Variants in GRID2 observed in about 807,000 individuals in gnomAD.
GRID2 encodes the protein glutamate receptor ionotropic, delta-2.
Under a neutral mutation model 114.8 loss-of-function variants are expected in GRID2, and 33 were observed. The observed-to-expected ratio is 0.29, with a 90% CI of 0.22 to 0.38. GRID2 has a LOEUF of 0.38. GRID2 is among the 10% of genes least tolerant of loss of function. GRID2 has a pLI of 1.00. For synonymous variants in GRID2, 505 were observed against 449.9 expected (o/e 1.12, Z -1.55); for missense variants, 1,184 against 1,257.7 (o/e 0.94, Z 0.89).
intron 4 of GRID2, among the ~76,000 whole-genome samples, chr4:93,175,247 C>T (rs967525473): frequency 5.3e-5 from 8 of 152,118 alleles, no homozygotes; most frequent in East Asian, 3.9e-4. Context: ...CTCGGCTCAC[C>T]GCAACCTCTG....
intron 2 of GRID2, among the ~76,000 whole-genome samples, chr4:92,999,331 A>C (rs1011802778): frequency 1.3e-5 from 2 of 151,804 alleles, no homozygotes; most frequent in African/African-American, 4.8e-5. Flanking sequence ...AAAGTAAAGT[A>C]ACCAATTTTC....
At chr4:93,217,189 A>T (rs1327320961) in intron 6 of GRID2, 9 of 214,626 alleles carry the variant, frequency 4.2e-5, no homozygotes, top group African/African-American at 2.1e-4. Context: ...TTCCCACAGG[A>T]GAATTTGTAA....
At chr4:93,297,711 T>C (rs1219003540) in intron 8 of GRID2, among the ~76,000 whole-genome samples, 1 of 152,228 alleles carries the variant, frequency 6.6e-6, no homozygotes, top group Non-Finnish European at 1.5e-5. Context: ...CTACATAGTA[T>C]TGGCTAATAT....
At chr4:93,644,382 G>A (rs773643261) in intron 14 of GRID2, among the ~76,000 whole-genome samples, 21 of 152,136 alleles carry the variant, frequency 1.4e-4, no homozygotes, top group Non-Finnish European at 1.3e-4. Flanking sequence ...TGTTCCATGA[G>A]CAATGTCCAT....
chr4:92,455,012 T>C (rs1721133681), intron 1 of GRID2, among the ~76,000 whole-genome samples: 1 of 152,200 alleles, frequency 6.6e-6, no homozygotes, highest in South Asian at 2.1e-4. Context: ...CTACTGTATG[T>C]CTAGCTGTAA....
At chr4:93,230,330 C>A in intron 7 of GRID2, among the ~76,000 whole-genome samples, 1 of 152,112 alleles carries the variant, frequency 6.6e-6, no homozygotes, top group South Asian at 2.1e-4. Flanking sequence ...ACATTGATAT[C>A]ACTGTCAAAT....
At chr4:92,713,071 G>A (rs1159638990) in intron 2 of GRID2, among the ~76,000 whole-genome samples, 1 of 150,420 alleles carries the variant, frequency 6.6e-6, no homozygotes, top group Non-Finnish European at 1.5e-5. Context: ...ATGTATACAT[G>A]TGCCATGTTG....
chr4:93,114,665 T>A (rs985671743), intron 4 of GRID2, among the ~76,000 whole-genome samples: 1 of 152,170 alleles, frequency 6.6e-6, no homozygotes, highest in African/African-American at 2.4e-5. Context: ...TCTCAATTAG[T>A]TGTTCTCAGA....
At chr4:92,874,144 TA>T in intron 2 of GRID2, among the ~76,000 whole-genome samples, 2 of 152,314 alleles carry the variant, frequency 1.3e-5, no homozygotes, top group South Asian at 4.1e-4. Context: ...AACCTTTGAA[TA>T]TCCAGATTTT....
chr4:92,916,507 C>T (rs141967614), intron 2 of GRID2, among the ~76,000 whole-genome samples: 2,233 of 152,102 alleles, frequency 0.015, 22 homozygotes, highest in East Asian at 0.053. Context: ...CTATGCCTCC[C>T]CCCAGCCCCC....
intron 2 of GRID2, among the ~76,000 whole-genome samples, chr4:92,666,035 CTACTA>C (rs560814180): frequency 4.4e-4 from 67 of 151,554 alleles, no homozygotes; most frequent in African/African-American, 1.4e-3. Context: ...CCTTCGGAGA[CTACTA>C]TAATGTGTAT....
chr4:92,692,533 T>C (rs1301062155), intron 2 of GRID2, among the ~76,000 whole-genome samples: 1 of 152,182 alleles, frequency 6.6e-6, no homozygotes, highest in Admixed American at 6.6e-5. Flanking sequence ...ATAATATAGC[T>C]TTTTCCATGC....
intron 3 of GRID2, among the ~76,000 whole-genome samples, chr4:93,089,383 T>C (rs1043504470): frequency 3.9e-5 from 6 of 152,134 alleles, no homozygotes; most frequent in African/African-American, 1.4e-4. Context: ...GAGAAAGTCA[T>C]TGGGACAAAA....
intron 13 of GRID2, among the ~76,000 whole-genome samples, chr4:93,612,495 A>G (rs1741056980): frequency 1.6e-5 from 2 of 122,086 alleles, no homozygotes; most frequent in Non-Finnish European, 1.8e-5. Context: ...GAGCTCTTTT[A>G]GGGCAGGCCT....
intron 7 of GRID2, among the ~76,000 whole-genome samples, chr4:93,227,391 C>CTG: frequency 6.6e-6 from 1 of 152,090 alleles, no homozygotes; most frequent in Admixed American, 6.5e-5. Flanking sequence ...CCACACCTGG[C>CTG]TAATTTTTTG....
rs142363876 is a variant in GRID2 at position 92,710,925 on chromosome 4, GT to G, written c.244+120649del. ...GAAAAAACTAGCATTCAGATTCAGT[GT>G]TTTTTTTTTAATTATTAATCTAAAG... On this transcript the variant is annotated intron_variant, in intron 2 of 15. Transcript: ENST00000282020. Among the ~76,000 whole-genome samples, 884 of 146,218 alleles carry G rather than the reference GT, an allele frequency of 6.0e-3. 11 individuals carry two copies. Among genetic ancestry groups the G allele is most frequent in the African/African-American group, 0.019 (744 of 39,856 alleles).
chr4:92,460,433 A>AT (rs1192673891), intron 1 of GRID2, among the ~76,000 whole-genome samples: 6 of 152,026 alleles, frequency 3.9e-5, no homozygotes, highest in Non-Finnish European at 7.4e-5. Flanking sequence ...CATGTACACG[A>AT]TTCTAGATAT....
intron 2 of GRID2, among the ~76,000 whole-genome samples, chr4:92,903,602 G>A (rs544201149): frequency 1.7e-4 from 26 of 151,874 alleles, no homozygotes; most frequent in South Asian, 2.1e-4. Flanking sequence ...ATTTAGATCC[G>A]TGGTGAACCC....
intron 2 of GRID2, among the ~76,000 whole-genome samples, chr4:92,609,965 A>T (rs570712888): frequency 1.3e-5 from 2 of 151,798 alleles, no homozygotes; most frequent in African/African-American, 4.8e-5. Context: ...TGTTACCATA[A>T]TTTAATAAAC....
Sources: gnomAD v4.1 joint callset for allele counts (sites outside exome capture counted in the v4.1 genomes callset) on GRCh38, gnomAD v4.1.1 for gene constraint, MANE v1.5 for transcripts, NCBI Gene and HGNC (gene_info 2026-07-23, HGNC 2026-07-21) for gene names.